BLM: variants seen among roughly 807,000 people sequenced by gnomAD.
BLM encodes the protein recQ-like DNA helicase BLM.
In BLM, 95 loss-of-function variants were observed where a neutral mutation model predicts 135.3. The ratio of observed to expected loss-of-function variants is 0.70; its 90% CI spans 0.59 to 0.83. BLM has a LOEUF of 0.83. Ranked by LOEUF, BLM falls within the 40% of genes least tolerant of loss-of-function variation. The pLI, the probability that BLM is intolerant of heterozygous loss-of-function variation, is 0.00. For synonymous variants in BLM, 520 were observed against 589.2 expected (o/e 0.88, Z 1.70); for missense variants, 1,518 against 1,663.9 (o/e 0.91, Z 1.53).
chr15:90,807,718 T>C (rs966919580), intron 19 of BLM, among the ~76,000 whole-genome samples: 3 of 152,220 alleles, frequency 2.0e-5, no homozygotes, highest in Non-Finnish European at 4.4e-5. Flanking sequence ...CTTTTCTTAA[T>C]ACCAAATGTA....
intron 12 of BLM, among the ~76,000 whole-genome samples, chr15:90,773,437 A>G (rs1345170543): frequency 2.0e-5 from 3 of 151,796 alleles, no homozygotes; most frequent in African/African-American, 7.2e-5. Context: ...AACAAACAAA[A>G]AAAGGCTTAA....
At chr15:90,773,913 T>C (rs974031499) in intron 12 of BLM, among the ~76,000 whole-genome samples, 2 of 152,170 alleles carry the variant, frequency 1.3e-5, no homozygotes, top group African/African-American at 4.8e-5. Context: ...TTCAGTGTTT[T>C]GGTTTTTTTG....
In BLM at chr15:90,794,221, G is replaced by C; in HGVS notation, c.3074G>C (p.Ser1025Thr). The change falls in exon 16 of 22, where the codon AGC (serine) becomes ACC (threonine). Residue 1025 changes from serine to threonine, a missense_variant. Physicochemically the swap from Ser to Thr is moderately conservative, Grantham distance 58. This residue lies in a region of BLM where 626 missense variants were observed against 681.1 expected (regional missense o/e 0.92). Coordinates refer to ENST00000355112, the MANE Select transcript of BLM (RefSeq NM_000057.4). Reference protein sequence around the residue: ...TRETHFNNLYSMVHYCENITE... With the variant: ...TRETHFNNLYTMVHYCENITE... Reference sequence around the variant, plus strand: ...GAAACTCACTTCAATAATTTGTATAGCATGGTACATTACTGTGAAAATATA... The same window carrying C: ...GAAACTCACTTCAATAATTTGTATACCATGGTACATTACTGTGAAAATATA... 2 of 1,607,284 alleles carry C rather than the reference G, an allele frequency of 1.2e-6. No homozygotes were observed. The highest frequency in any genetic ancestry group is 1.7e-6 in the Non-Finnish European group (2 of 1,175,996).
At chr15:90,743,012 T>G (rs1895408319) in intron 1 of BLM, among the ~76,000 whole-genome samples, 1 of 151,804 alleles carries the variant, frequency 6.6e-6, no homozygotes, top group Admixed American at 6.6e-5. Context: ...TTTTTTTTTT[T>G]TTTTTAAACA....
intron 4 of BLM, among the ~76,000 whole-genome samples, chr15:90,753,092 C>T (rs975583341): frequency 5.3e-5 from 8 of 152,152 alleles, no homozygotes; most frequent in South Asian, 4.1e-4. Context: ...CTGCTGGGTG[C>T]GGTGGCATGG....
rs2151194105 is a variant in BLM at position 90,803,503 on chromosome 15, C to T, written c.3359-18C>T. The T allele has an allele frequency of 6.2e-7, 1 of 1,604,336 alleles. No individual in the cohort carries two copies. Among genetic ancestry groups the T allele is most frequent in the Non-Finnish European group, 8.5e-7 (1 of 1,171,268 alleles). ...ATACGTACATTTACTCATCTTACTT[C>T]CTGTATCTTCTTATCAGGGAGTAAG... On this transcript the variant is annotated intron_variant, in intron 17 of 21. Coordinates refer to ENST00000355112, the MANE Select transcript of BLM (RefSeq NM_000057.4).
intron 12 of BLM, among the ~76,000 whole-genome samples, chr15:90,771,272 A>T (rs1896306870): frequency 6.6e-6 from 1 of 152,222 alleles, no homozygotes; most frequent in African/African-American, 2.4e-5. Context: ...GGATCGCCTA[A>T]GGTCAGGAGT....
intron 21 of BLM, among the ~76,000 whole-genome samples, chr15:90,814,469 AG>A (rs1443974731): frequency 6.6e-6 from 1 of 152,132 alleles, no homozygotes; most frequent in East Asian, 1.9e-4. Context: ...GAAGGCAGCG[AG>A]TGGGAGGGAG....
At chr15:90,726,548 A>G (rs1449477073) in intron 1 of BLM, among the ~76,000 whole-genome samples, 3 of 152,114 alleles carry the variant, frequency 2.0e-5, no homozygotes, top group African/African-American at 7.2e-5. Flanking sequence ...GATTACAGGC[A>G]TGAGCCACCA....
rs781287681 is a variant in BLM, at chr15:90,803,547, G to C, written c.3385G>C (p.Gly1129Arg). 10 of 1,613,776 alleles carry C rather than the reference G, an allele frequency of 6.2e-6. No individual in the cohort carries two copies. The East Asian group carries it at 2.0e-4, about 32-fold the overall frequency. ...GAGTAAGAGTGCAAAAATCCAGTCA[G>C]GTATATTTGGAAAAGGATCTGCTTA... The part of the protein sequence containing the change: ...LGSKSAKIQS[G>R]IFGKGSAYSR... The change falls in exon 18 of 22, where the codon GGT (glycine) becomes CGT (arginine). Residue 1129 changes from glycine to arginine, a missense_variant. Physicochemically the swap from Gly to Arg is moderately radical, Grantham distance 125 (BLOSUM62 -2). Coordinates refer to ENST00000355112, the MANE Select transcript of BLM (RefSeq NM_000057.4).
intron 1 of BLM, among the ~76,000 whole-genome samples, chr15:90,746,152 A>G (rs1895496833): frequency 6.6e-6 from 1 of 152,214 alleles, no homozygotes; most frequent in Non-Finnish European, 1.5e-5. Context: ...AAATGTCACC[A>G]TTTTGGAGGT....
intron 1 of BLM, among the ~76,000 whole-genome samples, chr15:90,721,870 G>A (rs1446324076): frequency 1.3e-5 from 2 of 151,172 alleles, no homozygotes; most frequent in Non-Finnish European, 2.9e-5. Context: ...GGCAGAGATT[G>A]CAGTGAGCCG....
intron 17 of BLM, among the ~76,000 whole-genome samples, chr15:90,800,224 G>A (rs191141434): frequency 6.6e-6 from 1 of 152,330 alleles, no homozygotes; most frequent in Admixed American, 6.5e-5. Context: ...ACCCAAACCA[G>A]ACTGACATCA....
At chr15:90,797,870 CAG>C (rs1897067812) in intron 16 of BLM, among the ~76,000 whole-genome samples, 1 of 152,278 alleles carries the variant, frequency 6.6e-6, no homozygotes, top group African/African-American at 2.4e-5. Flanking sequence ...CAGTATGTAA[CAG>C]AGCACTATTC....
At chr15:90,738,175 A>G (rs575077728) in intron 1 of BLM, among the ~76,000 whole-genome samples, 1 of 152,324 alleles carries the variant, frequency 6.6e-6, no homozygotes, top group South Asian at 2.1e-4. Flanking sequence ...GTATCACCCA[A>G]CAAAGAAAAG....
In BLM at chr15:90,763,492, T is replaced by A. The variant is rs931670500; in HGVS notation, c.2074+335T>A. ...CAGAGACCATGACCATTTCTGGCAGTTTATTTGCAACAATCTGGTGTTGCA... is the reference window on the plus strand; with the variant it reads ...CAGAGACCATGACCATTTCTGGCAGATTATTTGCAACAATCTGGTGTTGCA... On this transcript the variant is annotated intron_variant, in intron 8 of 21. Coordinates refer to ENST00000355112, the MANE Select transcript of BLM (RefSeq NM_000057.4). Among the ~76,000 whole-genome samples the A allele has an allele frequency of 2.0e-5, 3 of 152,264 alleles. No homozygotes were observed. In the East Asian group the frequency reaches 5.8e-4, roughly 29 times the overall value.
intron 19 of BLM, among the ~76,000 whole-genome samples, chr15:90,808,501 G>T (rs1054465085): frequency 3.3e-5 from 5 of 152,258 alleles, no homozygotes; most frequent in Admixed American, 3.3e-4. Flanking sequence ...CCAGGCTCCC[G>T]GATTCTACTC....
intron 13 of BLM, among the ~76,000 whole-genome samples, chr15:90,784,419 A>G (rs1004876765): frequency 2.3e-5 from 3 of 133,164 alleles, no homozygotes; most frequent in East Asian, 2.1e-4. Context: ...TGCAACCTCT[A>G]CCTCCTGGGT....
intron 1 of BLM, among the ~76,000 whole-genome samples, chr15:90,736,686 A>G (rs375518779): frequency 1.3e-5 from 2 of 152,250 alleles, no homozygotes; most frequent in African/African-American, 4.8e-5. Context: ...TATCTACACA[A>G]TGGAGTACTG....
Sources: allele counts gnomAD v4.1 joint callset (sites outside exome capture counted in the v4.1 genomes callset), GRCh38; gene constraint gnomAD v4.1.1; regional missense constraint gnomAD v4.1.1; transcripts MANE v1.5; gene names NCBI Gene and HGNC (gene_info 2026-07-23, HGNC 2026-07-21).